AKR7A2: variants seen among roughly 807,000 people sequenced by gnomAD.
AKR7A2 encodes the protein aldo-keto reductase family 7 member A2.
AKR7A2 carries 29 observed loss-of-function variants against 37.3 expected under a neutral mutation model. The observed-to-expected ratio is 0.78, with a 90% CI of 0.58 to 1.06. The LOEUF (loss-of-function observed/expected upper bound fraction) is 1.06, where lower values mean the gene tolerates loss of function less well. AKR7A2 is among the 50% of genes least tolerant of loss of function. The probability of loss-of-function intolerance (pLI) is 0.00; values close to 1 mark genes in which losing one functional copy is unlikely to be tolerated. For missense variants in AKR7A2, 529 were observed against 497.9 expected (o/e 1.06, Z -0.59); for synonymous variants, 228 against 217.8 (o/e 1.05, Z -0.41).
At position 19,308,268 on chromosome 1, in the gene AKR7A2, T is replaced by C. The variant is rs764419671; in HGVS notation, c.487-6A>G. 1.2e-5 allele frequency: 19 copies of C among 1,614,176 alleles called. No individual in the cohort carries two copies. The highest frequency in any genetic ancestry group is 3.3e-5 in the Admixed American group (2 of 60,030). The stretch of plus-strand genomic sequence containing the variant: ...CCAAGCTCCACGAACTTGCCCTGCA[T>C]GGGTGAGGCTCCAGTCAGAACGCAG... On this transcript the variant is annotated splice_region_variant and splice_polypyrimidine_tract_variant and intron_variant, in intron 2 of 6. Transcript: ENST00000235835.
intron 1 of AKR7A2, among the ~76,000 whole-genome samples, chr1:19,310,044 C>G (rs2093769268): frequency 1.3e-5 from 2 of 151,516 alleles, no homozygotes; most frequent in Admixed American, 1.3e-4. Context: ...CTACTGCACT[C>G]CAGCCTGGGC....
Position 19,308,243 on chromosome 1 carries a change from C to T in AKR7A2, c.506G>A (p.Gly169Asp), listed in dbSNP as rs199820959. 376 of 1,614,142 alleles carry T rather than the reference C, an allele frequency of 2.3e-4. 3 individuals are homozygous for T. The South Asian group carries it at 3.7e-3, about 16-fold the overall frequency. The stretch of plus-strand genomic sequence containing the variant: ...TTCCCAGCTAGCATAGTTGGAGAGG[C>T]CAAGCTCCACGAACTTGCCCTGCAT... Reference protein sequence around the residue: ...LHQEGKFVELGLSNYASWEVA... With the variant: ...LHQEGKFVELDLSNYASWEVA... Residue 169 changes from glycine (G) to aspartate (D), a missense_variant, in exon 3 of 7, where the codon GGC (glycine) becomes GAC (aspartate). Physicochemically the swap from Gly to Asp is moderately conservative, Grantham distance 94 (BLOSUM62 -1). Transcript: ENST00000235835.
chr1:19,304,250 T>C lies in AKR7A2; in HGVS notation c.1055A>G (p.His352Arg), dbSNP rs781279799. Residue 352 changes from histidine to arginine, a missense_variant, in exon 7 of 7, where the codon CAC becomes CGC. Physicochemically the swap from His to Arg is conservative, Grantham distance 29. Transcript: ENST00000235835. ...CTAGCGGAAGTAGTTGGGACATTCG[T>C]GAGCAACCAAATGCCAGGCTTGATT... The part of the protein sequence containing the change: ...AFNQAWHLVA[H>R]ECPNYFR 1.5e-5 allele frequency: 24 copies of C among 1,613,994 alleles called. No individual in the cohort carries two copies. Among genetic ancestry groups the C allele is most frequent in the Non-Finnish European group, 2.0e-5 (24 of 1,180,010 alleles).
intron 5 of AKR7A2, among the ~76,000 whole-genome samples, chr1:19,306,497 CATT>C (rs1166359919): frequency 6.6e-6 from 1 of 152,056 alleles, no homozygotes; most frequent in Non-Finnish European, 1.5e-5. Flanking sequence ...GCAGTGGCAT[CATT>C]ATGGCTCACT....
Position 19,307,429 on chromosome 1 carries a change from C to A in AKR7A2, c.592-19G>T. 1 of 1,613,726 alleles carries A rather than the reference C, an allele frequency of 6.2e-7. No homozygotes were observed. The highest frequency in any genetic ancestry group is 8.5e-7 in the Non-Finnish European group (1 of 1,179,704). On this transcript the variant is annotated intron_variant, in intron 3 of 6. Coordinates refer to ENST00000235835, the MANE Select transcript of AKR7A2 (RefSeq NM_003689.4). The stretch of plus-strand genomic sequence containing the variant: ...ACATGCCCTGCAGGGAGAGGGACCC[C>A]GGGGACAGGGTGGACATGTCAAGAG...
chr1:19,308,773 T>C, intron 1 of AKR7A2, 131 bp from the exon 2 acceptor site: 1 of 910,072 alleles, frequency 1.1e-6, no homozygotes, highest in South Asian at 1.4e-5. Context: ...ATAATCAAAC[T>C]GTCCTCATTG....
chr1:19,307,282 G>C, intron 4 of AKR7A2, 32 bp downstream of exon 4: 1 of 1,612,278 alleles, frequency 6.2e-7, no homozygotes, highest in Non-Finnish European at 8.5e-7. Context: ...GTCAGGAATA[G>C]GCTGAGACAG....
At position 19,307,106 on chromosome 1, in the gene AKR7A2, G is replaced by C; in HGVS notation, c.689-5C>G. 1 of 1,614,224 alleles carries C rather than the reference G, an allele frequency of 6.2e-7. No homozygotes were observed. On this transcript the variant is annotated splice_region_variant and splice_polypyrimidine_tract_variant and intron_variant, in intron 4 of 6. Coordinates refer to ENST00000235835, the MANE Select transcript of AKR7A2 (RefSeq NM_003689.4). ...ACTTGCCAGTCAGCAGGCCCCCTGCGGGAAGGCAGCAATCAGCCCCTGGCC... is the reference window on the plus strand; with the variant it reads ...ACTTGCCAGTCAGCAGGCCCCCTGCCGGAAGGCAGCAATCAGCCCCTGGCC...
Position 19,306,136 on chromosome 1 carries a change from T to C in AKR7A2, c.800A>G (p.Glu267Gly). ...AETYRNRFWKEHHFEAIALVE... is the reference protein window; with the variant it reads ...AETYRNRFWKGHHFEAIALVE... ...CAACGCAATGGCCTCGAAGTGGTGC[T>C]CCTTCCAGAAGCTGTGCAGAGGGGA... is the stretch of plus-strand genomic sequence containing the variant. The change falls in exon 6 of 7, where the codon GAG becomes GGG. Residue 267 changes from glutamate (E) to glycine (G), a missense_variant. By Grantham distance (98) the Glu-to-Gly change is moderately conservative. Transcript: ENST00000235835. 1 of 1,614,164 alleles carries C rather than the reference T, an allele frequency of 6.2e-7. No individual in the cohort carries two copies. The highest frequency in any genetic ancestry group is 1.1e-5 in the South Asian group (1 of 91,080).
chr1:19,309,096 A>C (rs2093767607), intron 1 of AKR7A2, among the ~76,000 whole-genome samples: 1 of 152,236 alleles, frequency 6.6e-6, no homozygotes, highest in South Asian at 2.1e-4. Flanking sequence ...AACAAGGAAG[A>C]GCAGGAAGTA....
chr1:19,303,334 A>T (rs2093755516), downstream of AKR7A2, among the ~76,000 whole-genome samples: 1 of 152,168 alleles, frequency 6.6e-6, no homozygotes, highest in Non-Finnish European at 1.5e-5. Flanking sequence ...TGCTTCAAGA[A>T]GCTGCTCCAA....
Position 19,311,833 on chromosome 1 carries a change from A to G in AKR7A2, c.292T>C (p.Cys98Arg). 1 of 1,610,310 alleles carries G rather than the reference A, an allele frequency of 6.2e-7. No individual in the cohort carries two copies. The highest frequency in any genetic ancestry group is 1.1e-5 in the South Asian group (1 of 90,976). Reference protein sequence around the residue: ...GLGLGLGGGDCRVKIATKANP... With the variant: ...GLGLGLGGGDRRVKIATKANP... Reference sequence around the variant, plus strand: ...GATCTGCAGCTACTGTTACCTCTGCAGTCGCCACCGCCCAGCCCGAGCCCC... The same window carrying G: ...GATCTGCAGCTACTGTTACCTCTGCGGTCGCCACCGCCCAGCCCGAGCCCC... The change falls in exon 1 of 7, where the codon TGC becomes CGC. Residue 98 changes from cysteine (C) to arginine (R), a missense_variant. Transcript: ENST00000235835.
rs780211664 is a variant in AKR7A2, at chr1:19,307,356, T to G, written c.646A>C (p.Arg216=). The G allele has an allele frequency of 3.7e-6, 6 of 1,613,850 alleles. No homozygotes were observed. The East Asian group carries it at 1.3e-4, about 36-fold the overall frequency. Reference sequence around the variant, plus strand: ...GCATAGAACCTCAGTCCAAAGTGCCTGAGGCAGGGGAAGAGCTCCGTTTCC... The same window carrying G: ...GCATAGAACCTCAGTCCAAAGTGCCGGAGGCAGGGGAAGAGCTCCGTTTCC... ...QVETELFPCL[R]HFGLRFYAYN... Residue 216 remains arginine (R), a synonymous_variant, in exon 4 of 7, where the codon AGG becomes CGG. Transcript: ENST00000235835.
chr1:19,303,161 G>T (rs2093755343), downstream of AKR7A2, among the ~76,000 whole-genome samples: 1 of 152,146 alleles, frequency 6.6e-6, no homozygotes, highest in African/African-American at 2.4e-5. Context: ...AAACTTCTCG[G>T]GAGGCTGAGG....
chr1:19,307,277 G>C lies in AKR7A2; in HGVS notation c.688+37C>G, dbSNP rs1204340519. The C allele has an allele frequency of 5.0e-6, 8 of 1,612,160 alleles. No individual in the cohort carries two copies. The East Asian group carries it at 1.8e-4, about 36-fold the overall frequency. On this transcript the variant is annotated intron_variant, in intron 4 of 6. Coordinates refer to ENST00000235835, the MANE Select transcript of AKR7A2 (RefSeq NM_003689.4). ...TCTGGGCTGGGCATCTGTGGGTCAG[G>C]AATAGGCTGAGACAGGGTCAGGAAT...
Position 19,304,339 on chromosome 1 carries a change from C to T in AKR7A2, c.966G>A (p.Gln322=). Residue 322 remains glutamine (Q), a synonymous_variant, in exon 7 of 7, where the codon CAG becomes CAA. Transcript: ENST00000235835. ...AVILGMSSLE[Q]LEQNLAATEE... ...CTGTTGCTGCCAAGTTCTGCTCCAGCTGCTCCAGGCTGGACATGCCCAGGA... is the reference window on the plus strand; with the variant it reads ...CTGTTGCTGCCAAGTTCTGCTCCAGTTGCTCCAGGCTGGACATGCCCAGGA... The T allele has an allele frequency of 1.9e-6, 3 of 1,614,166 alleles. No individual in the cohort carries two copies. In the African/African-American group the frequency reaches 4.0e-5, roughly 22 times the overall value.
At chr1:19,304,491 T>C (rs1017559121) in intron 6 of AKR7A2, 105 bp from the exon 7 acceptor site, 2 of 1,594,180 alleles carry the variant, frequency 1.3e-6, no homozygotes, top group Admixed American at 3.3e-5. Flanking sequence ...TCTGTTTATA[T>C]TTATATCTTG....
rs1487223540 is a variant in AKR7A2 at position 19,304,208 on chromosome 1, C to T, written c.*17G>A. 6 of 1,614,186 alleles carry T rather than the reference C, an allele frequency of 3.7e-6. No individual in the cohort carries two copies. Among genetic ancestry groups the T allele is most frequent in the South Asian group, 1.1e-5 (1 of 91,084 alleles). ...GAGGTGACAGAAAAGCCTTGGGCAG[C>T]CTGAGCCATGATGGGCCTAGCGGAA... On this transcript the variant is annotated 3_prime_UTR_variant, in exon 7 of 7. Transcript: ENST00000235835.
intron 1 of AKR7A2, among the ~76,000 whole-genome samples, chr1:19,310,018 G>A (rs2093769233): frequency 6.6e-6 from 1 of 152,006 alleles, no homozygotes; most frequent in African/African-American, 2.4e-5. Flanking sequence ...AGAGGTTGCA[G>A]TGAGTCCAGA....
Sources: gnomAD v4.1 joint callset for allele counts (sites outside exome capture counted in the v4.1 genomes callset) on GRCh38, gnomAD v4.1.1 for gene constraint, MANE v1.5 for transcripts, NCBI Gene and HGNC (gene_info 2026-07-23, HGNC 2026-07-21) for gene names.